Variants in ATP10A observed in about 807,000 individuals in gnomAD.
ATP10A encodes phospholipid-transporting ATPase VA.
A neutral mutation model predicts 147.8 loss-of-function variants in ATP10A; 111 were observed. The observed-to-expected ratio is 0.75, with a 90% CI of 0.64 to 0.88. ATP10A has a LOEUF of 0.88. Ranked by LOEUF, ATP10A falls within the 40% of genes least tolerant of loss-of-function variation. ATP10A has a pLI of 0.00. For missense variants in ATP10A, 1,927 were observed against 1,959.0 expected, an observed-to-expected ratio of 0.98 and a Z score of 0.31; for synonymous variants, 875 against 841.6, an observed-to-expected ratio of 1.04 and a Z score of -0.69.
chr15:25,776,286 C>G (rs1469916075), intron 2 of ATP10A, among the ~76,000 whole-genome samples: 1 of 152,202 alleles, frequency 6.6e-6, no homozygotes, highest in Non-Finnish European at 1.5e-5. Context: ...GCAGACACCC[C>G]ACGCAAAGTG....
At position 25,723,792 on chromosome 15, in the gene ATP10A, T is replaced by A. The variant is rs1282052004; in HGVS notation, c.1110+99A>T. ...CAGGTAGATATATTTGCCATCTTCC[T>A]AGATGCAGAATTTATAGGAAATTCT... On this transcript the variant is annotated intron_variant, in intron 6 of 20. Coordinates refer to ENST00000555815, the MANE Select transcript of ATP10A (RefSeq NM_024490.4). The A allele has an allele frequency of 5.3e-6, 6 of 1,139,672 alleles. No individual in the cohort carries two copies. The South Asian group carries it at 9.3e-5, about 18-fold the overall frequency. The allele number at this position is 1,139,672 out of a possible 1,614,324, so 70.6% of individuals were successfully genotyped here.
intron 10 of ATP10A, among the ~76,000 whole-genome samples, chr15:25,711,336 A>G (rs555699005): frequency 6.6e-6 from 1 of 152,256 alleles, no homozygotes; most frequent in South Asian, 2.1e-4. Flanking sequence ...TGATTTACAC[A>G]GGCAGAGCGA....
At chr15:25,728,405 G>T (rs1209143393) in intron 3 of ATP10A, among the ~76,000 whole-genome samples, 2 of 152,200 alleles carry the variant, frequency 1.3e-5, no homozygotes, top group African/African-American at 4.8e-5. Flanking sequence ...TTCAGCCAAC[G>T]CCGTGTCTAC....
intron 2 of ATP10A, among the ~76,000 whole-genome samples, chr15:25,756,831 G>C (rs2140607875): frequency 6.6e-6 from 1 of 152,276 alleles, no homozygotes; most frequent in Admixed American, 6.5e-5. Flanking sequence ...CAAAATACCT[G>C]TGTATTTAAC....
intron 1 of ATP10A, among the ~76,000 whole-genome samples, chr15:25,797,119 T>A (rs1176277674): frequency 6.6e-6 from 1 of 151,992 alleles, no homozygotes; most frequent in East Asian, 1.9e-4. Context: ...TTGACCAAAA[T>A]CCCCCCAAGT....
At chr15:25,832,372 T>TA (rs541595476) in intron 1 of ATP10A, among the ~76,000 whole-genome samples, 236 of 152,278 alleles carry the variant, frequency 1.5e-3, no homozygotes, top group African/African-American at 5.2e-3. Flanking sequence ...GCTACTCTCC[T>TA]AGCAGACACA....
chr15:25,797,090 A>G (rs574896117), intron 1 of ATP10A, among the ~76,000 whole-genome samples: 23 of 152,264 alleles, frequency 1.5e-4, no homozygotes, highest in African/African-American at 4.6e-4. Flanking sequence ...CCTCCTGTCT[A>G]AGGGAAACTT....
At chr15:25,732,567 T>TTTTTTTTTC (rs1252349158) in intron 3 of ATP10A, among the ~76,000 whole-genome samples, 1 of 121,850 alleles carries the variant, frequency 8.2e-6, no homozygotes, top group Admixed American at 8.6e-5. Context: ...TCTTTTTTTT[T>TTTTTTTTTC]TTTTTTGAGA....
chr15:25,729,793 CA>C (rs1902842674), intron 3 of ATP10A, among the ~76,000 whole-genome samples: 1 of 152,206 alleles, frequency 6.6e-6, no homozygotes, highest in African/African-American at 2.4e-5. Context: ...CCAGGCCCCC[CA>C]CCCAGGCCAG....
At position 25,735,620 on chromosome 15, in the gene ATP10A, CAGTGCCTTGAAT is replaced by C. The variant is rs1887223753; in HGVS notation, c.740+424_740+435del. ...TTTATTCAGTTTACCACATTACATC[CAGTGCCTTGAAT>C]GCACCCAGCATGTAACAGGTATCAA... On this transcript the variant is annotated intron_variant, in intron 3 of 20. Transcript: ENST00000555815. Among the ~76,000 whole-genome samples, 3 of 152,302 alleles carry C rather than the reference CAGTGCCTTGAAT, an allele frequency of 2.0e-5. No individual in the cohort carries two copies. The South Asian group carries it at 6.2e-4, about 32-fold the overall frequency.
At position 25,679,325 on chromosome 15, in the gene ATP10A, G is replaced by T; in HGVS notation, c.*16C>A. 7.2e-7 allele frequency: 1 copy of T among 1,394,666 alleles called. No individual in the cohort carries two copies. The highest frequency in any genetic ancestry group is 9.4e-7 in the Non-Finnish European group (1 of 1,064,866). 86.4% of individuals were successfully genotyped at this position (1,394,666 alleles called of 1,614,324 possible). A position where few individuals can be genotyped will look rare whatever the true frequency, so the allele number is the denominator to read the frequency against. Reference sequence around the variant, plus strand: ...ACATTTATTTATATATATTAAAAAAGGCCATTTCAAGGTTTTCACTGTGAC... The same window carrying T: ...ACATTTATTTATATATATTAAAAAATGCCATTTCAAGGTTTTCACTGTGAC... On this transcript the variant is annotated 3_prime_UTR_variant, in exon 21 of 21. Coordinates refer to ENST00000555815, the MANE Select transcript of ATP10A (RefSeq NM_024490.4).
chr15:25,741,839 T>C (rs762215656), intron 2 of ATP10A, among the ~76,000 whole-genome samples: 1 of 152,182 alleles, frequency 6.6e-6, no homozygotes, highest in Admixed American at 6.5e-5. Context: ...ACTCAATCAG[T>C]TATTTATTGA....
At chr15:25,750,192 T>C (rs1449128319) in intron 2 of ATP10A, among the ~76,000 whole-genome samples, 1 of 150,582 alleles carries the variant, frequency 6.6e-6, no homozygotes, top group Non-Finnish European at 1.5e-5. Context: ...AAAAAAAACT[T>C]GCAAGCAGCT....
chr15:25,761,798 A>G (rs1446091820), intron 2 of ATP10A, among the ~76,000 whole-genome samples: 1 of 152,204 alleles, frequency 6.6e-6, no homozygotes, highest in Admixed American at 6.5e-5. Flanking sequence ...TTGATTTTAT[A>G]GTCTCATAGG....
intron 2 of ATP10A, among the ~76,000 whole-genome samples, chr15:25,775,639 T>C (rs1013542119): frequency 1.3e-5 from 2 of 152,226 alleles, no homozygotes; most frequent in Non-Finnish European, 2.9e-5. Flanking sequence ...GCAGCAGATC[T>C]TCCTGCAAGC....
intron 2 of ATP10A, among the ~76,000 whole-genome samples, chr15:25,760,830 A>AACAT (rs536963767): frequency 1.9e-3 from 282 of 152,258 alleles, no homozygotes; most frequent in Non-Finnish European, 2.5e-3. Flanking sequence ...TGGTGACTGA[A>AACAT]ACATACATAC....
chr15:25,737,369 C>T (rs1200654870), intron 2 of ATP10A, among the ~76,000 whole-genome samples: 2 of 152,150 alleles, frequency 1.3e-5, no homozygotes, highest in East Asian at 1.9e-4. Flanking sequence ...CAGAGAACAC[C>T]AGGATTATTC....
intron 17 of ATP10A, among the ~76,000 whole-genome samples, chr15:25,683,076 G>C (rs1162779364): frequency 6.6e-6 from 1 of 152,018 alleles, no homozygotes; most frequent in East Asian, 1.9e-4. Flanking sequence ...GAGACTCTTG[G>C]AGGGGGGACA....
At chr15:25,852,033 G>C (rs1893321059) in intron 1 of ATP10A, among the ~76,000 whole-genome samples, 1 of 151,994 alleles carries the variant, frequency 6.6e-6, no homozygotes, top group African/African-American at 2.4e-5. Flanking sequence ...ATTCTTACCT[G>C]CCTGCCTGCC....
Sources: gnomAD v4.1 joint callset for allele counts (sites outside exome capture counted in the v4.1 genomes callset) on GRCh38, gnomAD v4.1.1 for gene constraint, MANE v1.5 for transcripts, NCBI Gene and HGNC (gene_info 2026-07-23, HGNC 2026-07-21) for gene names.